Variants in DNAH9 observed in about 807,000 individuals in gnomAD.
DNAH9 encodes the protein dynein axonemal heavy chain 9, also known as DNAH9 variant protein.
A neutral mutation model predicts 471.6 loss-of-function variants in DNAH9; 345 were observed. That is an observed-to-expected ratio of 0.73 (90% CI 0.67 to 0.80). The LOEUF (loss-of-function observed/expected upper bound fraction) is 0.80, where lower values mean the gene tolerates loss of function less well. Ranked by LOEUF, DNAH9 falls within the 30% of genes least tolerant of loss-of-function variation. The pLI is 0.00. For missense variants in DNAH9, 5,407 were observed against 5,609.2 expected (o/e 0.96, Z 1.15); for synonymous variants, 2,093 against 2,123.6 (o/e 0.99, Z 0.40).
rs771917153 is a variant in DNAH9, at chr17:11,636,673, G to A, written c.1675G>A (p.Val559Ile). Residue 559 changes from valine to isoleucine, a missense_variant, in exon 9 of 69, where the codon GTA becomes ATA. Around this residue, in one of 3 missense-constraint regions of DNAH9, gnomAD observed 4,636 missense variants for 4,900.3 expected, o/e 0.95. Coordinates refer to ENST00000262442, the MANE Select transcript of DNAH9 (RefSeq NM_001372.4). ...AGGAAACCTCCTTGAAAGACCGCTG[G>A]TAGCGAGGGATACATCTGATAAATA... ...IAGNLLERPL[V>I]ARDTSDKYLV... 38 of 1,613,660 alleles carry A rather than the reference G, an allele frequency of 2.4e-5. No homozygotes were observed. The highest frequency in any genetic ancestry group is 3.1e-5 in the Non-Finnish European group (37 of 1,179,726).
intron 14 of DNAH9, among the ~76,000 whole-genome samples, chr17:11,661,632 GC>G (rs1285764354): frequency 2.6e-5 from 4 of 151,960 alleles, no homozygotes; most frequent in Non-Finnish European, 5.9e-5. Context: ...GTTTCAGTAT[GC>G]ATCTTCAGCT....
chr17:11,761,909 G>A (rs1051055586), intron 35 of DNAH9, among the ~76,000 whole-genome samples: 3 of 152,136 alleles, frequency 2.0e-5, no homozygotes, highest in African/African-American at 7.2e-5. Flanking sequence ...TGAGAAGCCA[G>A]GGTTGCAAAA....
At chr17:11,843,869 A>G (rs201882976) in intron 49 of DNAH9, among the ~76,000 whole-genome samples, 6,881 of 71,432 alleles carry the variant, frequency 0.096, 586 homozygotes, top group East Asian at 0.51. Flanking sequence ...GTGTGTATAT[A>G]TATATATATA....
In DNAH9 at chr17:11,822,614, G is replaced by A; in HGVS notation, c.9012+15G>A. 2 of 1,613,712 alleles carry A rather than the reference G, an allele frequency of 1.2e-6. No homozygotes were observed. The highest frequency in any genetic ancestry group is 1.1e-5 in the South Asian group (1 of 91,032). On this transcript the variant is annotated intron_variant, in intron 47 of 68. Coordinates refer to ENST00000262442, the MANE Select transcript of DNAH9 (RefSeq NM_001372.4). ...AGGGCATTGAGGTGAGAGAGAAAAG[G>A]AGACACTCCTAAAAGTCCTTCCCAG...
At chr17:11,707,011 C>A (rs1397836648) in intron 26 of DNAH9, among the ~76,000 whole-genome samples, 2 of 152,198 alleles carry the variant, frequency 1.3e-5, no homozygotes, top group East Asian at 3.9e-4. Flanking sequence ...AATGTGAAAT[C>A]TGTACTTTAT....
At chr17:11,846,385 A>T (rs1425468850) in intron 49 of DNAH9, among the ~76,000 whole-genome samples, 1 of 151,266 alleles carries the variant, frequency 6.6e-6, no homozygotes, top group African/African-American at 2.4e-5. Context: ...TACCAGTACC[A>T]TGCTGTTTTG....
intron 38 of DNAH9, among the ~76,000 whole-genome samples, chr17:11,771,853 TCTGA>T (rs1187659882): frequency 2.0e-5 from 3 of 152,224 alleles, no homozygotes; most frequent in African/African-American, 7.2e-5. Context: ...GGAGTGTGAA[TCTGA>T]CTTAGACTTT....
intron 65 of DNAH9, 138 bp downstream of exon 65, chr17:11,934,209 G>A (rs919966804): frequency 1.1e-6 from 1 of 883,774 alleles, no homozygotes; most frequent in African/African-American, 1.7e-5. Context: ...TGAGGCAAAA[G>A]GGCTTAGACA....
rs775632490 is a variant in DNAH9 at position 11,822,004 on chromosome 17, T to C, written c.8792T>C (p.Val2931Ala). ...VRNEVKSQGLVDNRENCWKFF... is the reference protein window; with the variant it reads ...VRNEVKSQGLADNRENCWKFF... The stretch of plus-strand genomic sequence containing the variant: ...AATGAAGTCAAGAGCCAGGGTCTGG[T>C]TGACAACAGAGAGAACTGTTGGAAG... Residue 2931 changes from valine to alanine, a missense_variant, in exon 46 of 69, where the codon GTT becomes GCT. Around this residue, in one of 3 missense-constraint regions of DNAH9, gnomAD observed 4,636 missense variants for 4,900.3 expected, o/e 0.95. Transcript: ENST00000262442. The C allele has an allele frequency of 1.2e-6, 2 of 1,614,172 alleles. No homozygotes were observed. The highest frequency in any genetic ancestry group is 1.1e-5 in the South Asian group (1 of 91,080).
At chr17:11,808,741 A>G (rs1051139623) in intron 44 of DNAH9, among the ~76,000 whole-genome samples, 15 of 152,204 alleles carry the variant, frequency 9.9e-5, no homozygotes, top group African/African-American at 3.6e-4. Context: ...CTTTTACTCT[A>G]TATGGGAATC....
At position 11,669,097 on chromosome 17, in the gene DNAH9, C is replaced by T. The variant is rs760819942; in HGVS notation, c.2765C>T (p.Ala922Val). The stretch of plus-strand genomic sequence containing the variant: ...GCAGGACTTACCCCAATATTTGAAG[C>T]ACAACTGAGTCTAGCCATCCCAGAG... ...CKAGLTPIFE[A>V]QLSLAIPELV... Residue 922 changes from alanine (A) to valine (V), a missense_variant, in exon 16 of 69, where the codon GCA (alanine) becomes GTA (valine). Physicochemically the swap from Ala to Val is moderately conservative, Grantham distance 64 (BLOSUM62 0). Transcript: ENST00000262442. 12 of 1,613,516 alleles carry T rather than the reference C, an allele frequency of 7.4e-6. No individual in the cohort carries two copies. The highest frequency in any genetic ancestry group is 1.3e-5 in the African/African-American group (1 of 74,876).
intron 67 of DNAH9, among the ~76,000 whole-genome samples, chr17:11,960,557 C>T (rs1228127636): frequency 1.4e-5 from 2 of 146,776 alleles, no homozygotes; most frequent in African/African-American, 5.1e-5. Context: ...GTCAGGAGTT[C>T]GAGACCAGCC....
chr17:11,716,231 G>A lies in DNAH9; in HGVS notation c.5553-3103G>A, dbSNP rs112066673. 5.9e-5 allele frequency among the ~76,000 whole-genome samples: 9 copies of A among 151,842 alleles called. 1 individual carries two copies. Among genetic ancestry groups the A allele is most frequent in the African/African-American group, 1.4e-4 (6 of 41,388 alleles). On this transcript the variant is annotated intron_variant, in intron 26 of 68. Coordinates refer to ENST00000262442, the MANE Select transcript of DNAH9 (RefSeq NM_001372.4). ...CCCGAGTACCTGGGATTACAGGTGC[G>A]TGCCACCATGCCCAGCTAATTTTGT... is the stretch of plus-strand genomic sequence containing the variant.
At chr17:11,773,026 C>T (rs948595584) in intron 38 of DNAH9, among the ~76,000 whole-genome samples, 3 of 152,158 alleles carry the variant, frequency 2.0e-5, no homozygotes, top group Non-Finnish European at 4.4e-5. Context: ...GTGTTACCAA[C>T]GATTTAAAAA....
At chr17:11,823,164 A>G in intron 48 of DNAH9, 130 bp downstream of exon 48, 3 of 753,630 alleles carry the variant, frequency 4.0e-6, no homozygotes, top group Non-Finnish European at 6.3e-6. Context: ...CTCCCATGTC[A>G]TCAGTATCTA....
In DNAH9 at chr17:11,865,143, T is replaced by C. The variant is rs541393182; in HGVS notation, c.9934-3991T>C. ...CAATGGTCTTTATATTTTGGCATGA[T>C]TTTGCAGCAGCTGGTACCGGTTGTT... On this transcript the variant is annotated intron_variant, in intron 50 of 68. Coordinates refer to ENST00000262442, the MANE Select transcript of DNAH9 (RefSeq NM_001372.4). Among the ~76,000 whole-genome samples, 219 of 152,372 alleles carry C rather than the reference T, an allele frequency of 1.4e-3. 1 individual carries two copies. The highest frequency in any genetic ancestry group is 5.8e-4 in the East Asian group (3 of 5,188).
At chr17:11,792,589 A>G (rs778279515) in intron 41 of DNAH9, among the ~76,000 whole-genome samples, 3 of 152,188 alleles carry the variant, frequency 2.0e-5, no homozygotes, top group Admixed American at 2.0e-4. Flanking sequence ...AAAGAATGAT[A>G]AATATTTGAA....
intron 52 of DNAH9, chr17:11,873,310 C>T (rs938456600): frequency 5.3e-5 from 8 of 152,172 alleles, no homozygotes; most frequent in African/African-American, 1.9e-4. Flanking sequence ...CTTTGGCAGT[C>T]TGGTGAGACC....
rs1377373595 is a variant in DNAH9 at position 11,878,060 on chromosome 17, T to G, written c.10479-2018T>G. Among the ~76,000 whole-genome samples the G allele has an allele frequency of 2.0e-5, 3 of 152,132 alleles. No individual in the cohort carries two copies. The South Asian group carries it at 6.2e-4, about 32-fold the overall frequency. ...ATATGATATATTTTTATTTGCATCT[T>G]TAGTCACATAGTAATCCAACCCTGG... On this transcript the variant is annotated intron_variant, in intron 53 of 68. Transcript: ENST00000262442.
Sources: gnomAD v4.1 joint callset for allele counts (sites outside exome capture counted in the v4.1 genomes callset) on GRCh38, gnomAD v4.1.1 for gene constraint, gnomAD v4.1.1 regional missense constraint, MANE v1.5 for transcripts, NCBI Gene and HGNC (gene_info 2026-07-23, HGNC 2026-07-21) for gene names.